The following STPG2 variants were observed in gnomAD, a reference collection of about 807,000 sequenced individuals.
The protein encoded by STPG2 is sperm tail PG-rich repeat containing 2, also known as sperm-tail PG-rich repeat-containing protein 2.
Under a neutral mutation model 54.2 loss-of-function variants are expected in STPG2, and 56 were observed. The observed-to-expected ratio is 1.03, with a 90% CI of 0.83 to 1.29. The LOEUF (loss-of-function observed/expected upper bound fraction) is 1.29, where lower values mean the gene tolerates loss of function less well. Ranked by LOEUF, STPG2 falls within the 50% of genes most tolerant of loss-of-function variation. The pLI is 0.00. For synonymous variants in STPG2, 200 were observed against 181.8 expected (o/e 1.10, Z -0.81); for missense variants, 596 against 544.9 (o/e 1.09, Z -0.93).
chr4:97,902,982 G>C (rs1214648419), intron 8 of STPG2, among the ~76,000 whole-genome samples: 2 of 152,006 alleles, frequency 1.3e-5, no homozygotes, highest in African/African-American at 2.4e-5. Context: ...AAAAGAAAAA[G>C]TTTGCATGAT....
intron 9 of STPG2, among the ~76,000 whole-genome samples, chr4:97,729,025 A>G (rs989184608): frequency 6.7e-6 from 1 of 148,786 alleles, no homozygotes; most frequent in Non-Finnish European, 1.5e-5. Flanking sequence ...GAGGAAAAAA[A>G]TGGCTTTTCA....
rs565577039 is a variant in STPG2, at chr4:97,863,941, T to C, written c.1045-23009A>G. Among the ~76,000 whole-genome samples the C allele has an allele frequency of 4.6e-5, 7 of 152,198 alleles. No homozygotes were observed. The South Asian group carries it at 1.0e-3, about 23-fold the overall frequency. ...CTCAATAAATTAGGTATTGATGGGA[T>C]GTATCTAAAAATAATAAGAGCTATT... On this transcript the variant is annotated intron_variant, in intron 8 of 10. Coordinates refer to ENST00000295268, the MANE Select transcript of STPG2 (RefSeq NM_174952.3).
At chr4:97,905,682 T>C (rs200199794) in intron 8 of STPG2, among the ~76,000 whole-genome samples, 4 of 152,080 alleles carry the variant, frequency 2.6e-5, no homozygotes, top group Admixed American at 2.0e-4. Context: ...AGAGTCAAGA[T>C]CCATCAGTGT....
intron 10 of STPG2, among the ~76,000 whole-genome samples, chr4:97,670,061 G>GTAAGTATAATT (rs1722652157): frequency 6.6e-6 from 1 of 151,736 alleles, no homozygotes; most frequent in Non-Finnish European, 1.5e-5. Context: ...TAAAAAAATT[G>GTAAGTATAATT]TAAGTATAAT....
At chr4:97,879,692 C>G (rs556231103) in intron 8 of STPG2, among the ~76,000 whole-genome samples, 1 of 152,120 alleles carries the variant, frequency 6.6e-6, no homozygotes, top group South Asian at 2.1e-4. Flanking sequence ...ACATCACAGC[C>G]AATAGATACA....
At chr4:97,623,468 A>ATGTAT (rs1734064932) in intron 10 of STPG2, among the ~76,000 whole-genome samples, 12 of 152,212 alleles carry the variant, frequency 7.9e-5, no homozygotes, top group Admixed American at 6.5e-5. Flanking sequence ...TTTTCAAAGG[A>ATGTAT]AGACATACAT....
At chr4:97,963,246 C>A (rs554233119) in intron 7 of STPG2, among the ~76,000 whole-genome samples, 1 of 152,256 alleles carries the variant, frequency 6.6e-6, no homozygotes, top group East Asian at 1.9e-4. Flanking sequence ...ACTGTTAGTA[C>A]ATTTTAAACA....
chr4:97,935,852 C>G (rs1227932087), intron 8 of STPG2, among the ~76,000 whole-genome samples: 1 of 152,030 alleles, frequency 6.6e-6, no homozygotes, highest in African/African-American at 2.4e-5. Context: ...AATGTCTATT[C>G]TGTTGTTTTG....
At chr4:97,445,094 A>G (rs1201367556) in intron 4 of STPG2, among the ~76,000 whole-genome samples, 1 of 152,226 alleles carries the variant, frequency 6.6e-6, no homozygotes, top group African/African-American at 2.4e-5. Flanking sequence ...GTCAACAGAT[A>G]TAAAATTGAA....
chr4:98,074,630 A>G (rs987576065), intron 5 of STPG2, among the ~76,000 whole-genome samples: 4 of 151,996 alleles, frequency 2.6e-5, no homozygotes, highest in African/African-American at 9.7e-5. Flanking sequence ...CAGTCTAAAT[A>G]TTTTCCACTG....
chr4:97,904,040 C>T (rs1007424691), intron 8 of STPG2, among the ~76,000 whole-genome samples: 1 of 152,176 alleles, frequency 6.6e-6, no homozygotes, highest in Non-Finnish European at 1.5e-5. Flanking sequence ...CCCAGCATTG[C>T]CCAGGCTTGC....
At chr4:97,475,597 T>C (rs1022511788) in intron 4 of STPG2, among the ~76,000 whole-genome samples, 13 of 152,098 alleles carry the variant, frequency 8.5e-5, no homozygotes, top group African/African-American at 3.1e-4. Flanking sequence ...GGTTGGTATG[T>C]GTGTACAGGT....
intron 9 of STPG2, among the ~76,000 whole-genome samples, chr4:97,740,785 G>T (rs575329116): frequency 6.6e-6 from 1 of 152,242 alleles, no homozygotes; most frequent in South Asian, 2.1e-4. Flanking sequence ...TGGCAATACT[G>T]CCCAAGGTAA....
rs148347989 is a variant in STPG2, at chr4:97,462,206, C to T, written c.462+250493G>A. ...CTGGTTATTGATAAGACCAACTTTC[C>T]ATTGTCCTACATATTTATGGCTCTA... is the stretch of plus-strand genomic sequence containing the variant. On this transcript the variant is annotated intron_variant, in intron 4 of 4. Coordinates refer to the STPG2 transcript ENST00000522676. 4.2e-3 allele frequency among the ~76,000 whole-genome samples: 640 copies of T among 152,096 alleles called. 3 individuals are homozygous for T. Among genetic ancestry groups the T allele is most frequent in the South Asian group, 0.02 (98 of 4,816 alleles).
At chr4:98,069,544 A>T (rs1290260626) in intron 5 of STPG2, among the ~76,000 whole-genome samples, 1 of 151,926 alleles carries the variant, frequency 6.6e-6, no homozygotes, top group African/African-American at 2.4e-5. Context: ...GCCCCTCTTA[A>T]GCTAAAAAAA....
At chr4:97,554,357 G>C (rs374680069), downstream of STPG2, among the ~76,000 whole-genome samples, 1 of 152,174 alleles carries the variant, frequency 6.6e-6, no homozygotes. Flanking sequence ...GTCTTCAGGG[G>C]AGTCCCGAAC....
intron 10 of STPG2, among the ~76,000 whole-genome samples, chr4:97,622,503 T>C (rs1032495627): frequency 5.9e-5 from 9 of 152,112 alleles, no homozygotes; most frequent in Admixed American, 1.3e-4. Context: ...ATCAAGAATG[T>C]AATCCCATTC....
intron 8 of STPG2, among the ~76,000 whole-genome samples, chr4:97,863,480 C>T (rs911739987): frequency 2.0e-5 from 3 of 152,062 alleles, no homozygotes; most frequent in Non-Finnish European, 4.4e-5. Context: ...AAAAAAAGTC[C>T]AGGACCAGAT....
chr4:98,024,131 T>C (rs568799897), intron 5 of STPG2, among the ~76,000 whole-genome samples: 1 of 152,352 alleles, frequency 6.6e-6, no homozygotes, highest in Admixed American at 6.5e-5. Context: ...TCACTCACGC[T>C]GGGAGCTGTA....
Sources: gnomAD v4.1 joint callset for allele counts (sites outside exome capture counted in the v4.1 genomes callset) on GRCh38, gnomAD v4.1.1 for gene constraint, MANE v1.5 for transcripts, NCBI Gene and HGNC (gene_info 2026-07-23, HGNC 2026-07-21) for gene names.